BMP7: variants seen among roughly 807,000 people sequenced by gnomAD.
BMP7 encodes osteogenic protein 1.
In BMP7, 12 loss-of-function variants were observed where a neutral mutation model predicts 41.2. That is an observed-to-expected ratio of 0.29 (90% CI 0.19 to 0.47). The LOEUF is 0.47. BMP7 is among the 20% of genes least tolerant of loss of function. The pLI, the probability that BMP7 is intolerant of heterozygous loss-of-function variation, is 0.99. For missense variants in BMP7, 467 were observed against 606.0 expected (o/e 0.77, Z 2.41); for synonymous variants, 248 against 250.0 (o/e 0.99, Z 0.07).
rs1435896789 is a variant in BMP7 at position 57,228,344 on chromosome 20, C to T, written c.496G>A (p.Gly166Arg). ...FRFDLSKIPE[G>R]EAVTAAEFRI... ...AATTCGGCTGCCGTGACAGCTTCCC[C>T]TTCTGGGATCTTGGAAAGATCAAAC... Residue 166 changes from glycine (G) to arginine (R), a missense_variant, in exon 2 of 7, where the codon GGG becomes AGG. Physicochemically the swap from Gly to Arg is moderately radical, Grantham distance 125. Around this residue, in one of 2 missense-constraint regions of BMP7, gnomAD observed 407 missense variants for 485.9 expected, o/e 0.84. Coordinates refer to ENST00000395863, the MANE Select transcript of BMP7 (RefSeq NM_001719.3). This position sits in a 1 kb window ranked among gnomAD's most constrained non-coding sequence, Gnocchi z 4.5. The T allele has an allele frequency of 3.7e-6, 6 of 1,614,070 alleles. No individual in the cohort carries two copies. The East Asian group carries it at 8.9e-5, about 24-fold the overall frequency.
chr20:57,236,747 T>TG (rs2066049168), intron 1 of BMP7, among the ~76,000 whole-genome samples: 1 of 141,552 alleles, frequency 7.1e-6, no homozygotes, highest in Admixed American at 7.4e-5. Flanking sequence ...GCAGCTCTCA[T>TG]GGGGACAGCC....
In BMP7 at chr20:57,169,806, G is replaced by C. The variant is rs1380336995; in HGVS notation, c.*1153C>G. 2.0e-5 allele frequency: 3 copies of C among 152,150 alleles called. No homozygotes were observed. In the East Asian group the frequency reaches 5.8e-4, roughly 29 times the overall value. 9.4% of individuals were successfully genotyped at this position (152,150 alleles called of 1,614,324 possible). On this transcript the variant is annotated 3_prime_UTR_variant, in exon 7 of 7. Coordinates refer to ENST00000395863, the MANE Select transcript of BMP7 (RefSeq NM_001719.3). ...GAGTCTTGTTTTGTCACCCAAGCTGGAGTGCAGTGGGACGATCTTGGCTCA... is the reference window on the plus strand; with the variant it reads ...GAGTCTTGTTTTGTCACCCAAGCTGCAGTGCAGTGGGACGATCTTGGCTCA...
At position 57,233,405 on chromosome 20, in the gene BMP7, T is replaced by C. The variant is rs79664479; in HGVS notation, c.419-4984A>G. Among the ~76,000 whole-genome samples, 799 of 152,350 alleles carry C rather than the reference T, an allele frequency of 5.2e-3. 6 individuals carry two copies. Among genetic ancestry groups the C allele is most frequent in the African/African-American group, 0.018 (742 of 41,572 alleles). On this transcript the variant is annotated intron_variant, in intron 1 of 6. Coordinates refer to ENST00000395863, the MANE Select transcript of BMP7 (RefSeq NM_001719.3). Reference sequence around the variant, plus strand: ...TCCTGACAGCAAGCAGACCCATCACTGTCCCAAAGACAAGTCCAGTGTCTT... The same window carrying C: ...TCCTGACAGCAAGCAGACCCATCACCGTCCCAAAGACAAGTCCAGTGTCTT...
At chr20:57,195,020 A>G (rs1346311070) in intron 3 of BMP7, among the ~76,000 whole-genome samples, 1 of 152,182 alleles carries the variant, frequency 6.6e-6, no homozygotes, top group Admixed American at 6.5e-5. Flanking sequence ...AGGCCTTCTA[A>G]AAGGAGCCTG....
intron 4 of BMP7, among the ~76,000 whole-genome samples, chr20:57,182,644 A>T (rs1289825935): frequency 6.6e-6 from 1 of 152,224 alleles, no homozygotes; most frequent in African/African-American, 2.4e-5. Flanking sequence ...CTGTGCCCTT[A>T]GACAAACGAC....
chr20:57,175,112 C>T (rs1196318195), intron 4 of BMP7, 105 bp from the exon 5 acceptor site: 12 of 1,202,394 alleles, frequency 1.0e-5, no homozygotes, highest in African/African-American at 7.5e-5. Context: ...AGCAATGAAG[C>T]ACAGACGGCT....
At position 57,188,365 on chromosome 20, in the gene BMP7, A is replaced by G. The variant is rs1382121552; in HGVS notation, c.761-4446T>C. Among the ~76,000 whole-genome samples, 6 of 152,332 alleles carry G rather than the reference A, an allele frequency of 3.9e-5. No homozygotes were observed. The East Asian group carries it at 1.2e-3, about 29-fold the overall frequency. On this transcript the variant is annotated intron_variant, in intron 3 of 6. Transcript: ENST00000395863. ...GCCAGATACAAAAGCCACACATTGAATGATCCTATTTCTATGAAATGTCCG... is the reference window on the plus strand; with the variant it reads ...GCCAGATACAAAAGCCACACATTGAGTGATCCTATTTCTATGAAATGTCCG...
rs982702056 is a variant in BMP7 at position 57,218,045 on chromosome 20, A to G, written c.611+10184T>C. On this transcript the variant is annotated intron_variant, in intron 2 of 6. Coordinates refer to ENST00000395863, the MANE Select transcript of BMP7 (RefSeq NM_001719.3). The stretch of plus-strand genomic sequence containing the variant: ...TATCAACAGACATCTGTATCCAGGG[A>G]GATGGCAAGGCCAGGGCCGGCTTCA... Among the ~76,000 whole-genome samples, 13 of 152,242 alleles carry G rather than the reference A, an allele frequency of 8.5e-5. 1 individual carries two copies. Among genetic ancestry groups the G allele is most frequent in the Admixed American group, 7.8e-4 (12 of 15,288 alleles).
intron 4 of BMP7, among the ~76,000 whole-genome samples, chr20:57,179,228 G>A (rs1433448538): frequency 1.3e-5 from 2 of 152,168 alleles, no homozygotes; most frequent in Non-Finnish European, 2.9e-5. Flanking sequence ...GAAAGGAAAC[G>A]AAGGAGGGAC....
chr20:57,254,771 T>C (rs77189614), intron 1 of BMP7, among the ~76,000 whole-genome samples: 2,412 of 152,292 alleles, frequency 0.016, 79 homozygotes, highest in African/African-American at 0.055. Flanking sequence ...CATTTTGATT[T>C]TGGGGAGTTT....
rs191153130 is a variant in BMP7, at chr20:57,259,629, C to A, written c.418+6076G>T. Among the ~76,000 whole-genome samples, 136 of 152,298 alleles carry A rather than the reference C, an allele frequency of 8.9e-4. No individual in the cohort carries two copies. Among genetic ancestry groups the A allele is most frequent in the African/African-American group, 3.2e-3 (135 of 41,566 alleles). ...GTTGTCATTAATTCAATCCACTCCA[C>A]GCGGATCAGCACAGGCTTTGCGCGG... On this transcript the variant is annotated intron_variant, in intron 1 of 6. Transcript: ENST00000395863. The surrounding 1 kb of genome is among the most constrained non-coding windows in gnomAD (Gnocchi z 4.7).
At chr20:57,244,121 G>C (rs557721324) in intron 1 of BMP7, 1 of 152,234 alleles carries the variant, frequency 6.6e-6, no homozygotes, top group Non-Finnish European at 1.5e-5. Flanking sequence ...AGAGTCACAC[G>C]CGAGCTTATT....
At chr20:57,230,928 C>T (rs948351424) in intron 1 of BMP7, among the ~76,000 whole-genome samples, 13 of 152,060 alleles carry the variant, frequency 8.5e-5, no homozygotes, top group Non-Finnish European at 1.5e-4. Flanking sequence ...CCACCTGCCT[C>T]GGCCTCACAA....
At chr20:57,177,146 T>C (rs762173794) in intron 4 of BMP7, among the ~76,000 whole-genome samples, 4 of 152,040 alleles carry the variant, frequency 2.6e-5, no homozygotes, top group Middle Eastern at 6.8e-3. Flanking sequence ...CTGAGAACAA[T>C]TGTGGAATGA....
chr20:57,244,461 C>T (rs1303616248), intron 1 of BMP7, among the ~76,000 whole-genome samples: 1 of 152,230 alleles, frequency 6.6e-6, no homozygotes, highest in Non-Finnish European at 1.5e-5. Flanking sequence ...GAGGAAGACA[C>T]CGGCTCCTTA....
intron 4 of BMP7, among the ~76,000 whole-genome samples, chr20:57,180,089 C>A (rs1043196243): frequency 5.9e-5 from 9 of 152,154 alleles, no homozygotes; most frequent in Non-Finnish European, 1.2e-4. Context: ...TGATCTGCCA[C>A]ATCCTCTAAG....
chr20:57,225,803 C>T (rs935874003), intron 2 of BMP7: 4 of 452,766 alleles, frequency 8.8e-6, no homozygotes, highest in Admixed American at 4.7e-5. Flanking sequence ...GCAGCTCCGT[C>T]TTGCCCTCCA....
At position 57,171,169 on chromosome 20, in the gene BMP7, C is replaced by T. The variant is rs1459364505; in HGVS notation, c.1147-61G>A. 4 of 1,607,660 alleles carry T rather than the reference C, an allele frequency of 2.5e-6. No homozygotes were observed. The highest frequency in any genetic ancestry group is 2.7e-5 in the African/African-American group (2 of 74,788). On this transcript the variant is annotated intron_variant, in intron 6 of 6. Transcript: ENST00000395863. The surrounding 1 kb of genome is among the most constrained non-coding windows in gnomAD (Gnocchi z 4.5). ...AGCGGTGAGTCGTTCTAACTGGCCT[C>T]CACGTTTCTATAAAGAAACATCCTG...
At chr20:57,258,338 T>C (rs1268142217) in intron 1 of BMP7, among the ~76,000 whole-genome samples, 1 of 152,198 alleles carries the variant, frequency 6.6e-6, no homozygotes, top group Non-Finnish European at 1.5e-5. Context: ...AGGGCTTTGT[T>C]GTTGCAGCCT....
Sources: allele counts gnomAD v4.1 joint callset (sites outside exome capture counted in the v4.1 genomes callset), GRCh38; gene constraint gnomAD v4.1.1; regional missense constraint gnomAD v4.1.1; non-coding constraint Gnocchi (gnomAD v3.1); transcripts MANE v1.5; gene names NCBI Gene and HGNC (gene_info 2026-07-23, HGNC 2026-07-21).